The following EIF4E3 variants were observed in gnomAD, a reference collection of about 807,000 sequenced individuals.
The protein encoded by EIF4E3 is eukaryotic translation initiation factor 4E family member 3.
EIF4E3 carries 26 observed loss-of-function variants against 31.7 expected under a neutral mutation model. The observed-to-expected ratio is 0.82, with a 90% CI of 0.60 to 1.14. EIF4E3 has a LOEUF of 1.14. EIF4E3 is among the 50% of genes most tolerant of loss of function. The pLI, the probability that EIF4E3 is intolerant of heterozygous loss-of-function variation, is 0.00. For missense variants in EIF4E3, 304 were observed against 270.9 expected (o/e 1.12, Z -0.86); for synonymous variants, 128 against 107.7 (o/e 1.19, Z -1.17).
chr3:71,687,066 T>A lies in EIF4E3; in HGVS notation c.629-2338A>T, dbSNP rs112212629. On this transcript the variant is annotated intron_variant, in intron 6 of 6. Coordinates refer to ENST00000425534, the MANE Select transcript of EIF4E3 (RefSeq NM_001134651.2). ...CCCAGGCTAGAGTGCAATGGTGTGA[T>A]CCTGGCTCACTGCAACCTTCACCTC... Among the ~76,000 whole-genome samples, 13 of 152,334 alleles carry A rather than the reference T, an allele frequency of 8.5e-5. 1 individual carries two copies. The highest frequency in any genetic ancestry group is 3.1e-4 in the African/African-American group (13 of 41,572).
chr3:71,743,903 C>T (rs1030401687), intron 1 of EIF4E3, among the ~76,000 whole-genome samples: 4 of 152,118 alleles, frequency 2.6e-5, no homozygotes, highest in Non-Finnish European at 5.9e-5. Flanking sequence ...AAATGAATTT[C>T]AATCCATTGA....
In EIF4E3 at chr3:71,684,472, T is replaced by TA. The variant is rs2048963420; in HGVS notation, c.*209dup. ...AAAAGTTTTTTGTGTGTGTTTTTTT[T>TA]AAAAAGCAAGTAATGTGACGGTAGA... is the stretch of plus-strand genomic sequence containing the variant. On this transcript the variant is annotated 3_prime_UTR_variant, in exon 7 of 7. Coordinates refer to ENST00000425534, the MANE Select transcript of EIF4E3 (RefSeq NM_001134651.2). 9.7e-6 allele frequency: 4 copies of TA among 413,646 alleles called. No homozygotes were observed. The East Asian group carries it at 1.5e-4, about 15-fold the overall frequency. The allele number at this position is 413,646 out of a possible 1,614,324, so 25.6% of individuals were successfully genotyped here.
chr3:71,663,173 G>A, the EIF4E3 span, among the ~76,000 whole-genome samples: 1 of 152,124 alleles, frequency 6.6e-6, no homozygotes, highest in Non-Finnish European at 1.5e-5. Flanking sequence ...GGTGCGGGAG[G>A]GGATTGGGAC....
intron 1 of EIF4E3, among the ~76,000 whole-genome samples, chr3:71,740,836 A>G (rs2049812226): frequency 6.6e-6 from 1 of 152,238 alleles, no homozygotes; most frequent in African/African-American, 2.4e-5. Flanking sequence ...GTAAGAATTC[A>G]TTAAAAACCA....
intron 1 of EIF4E3, among the ~76,000 whole-genome samples, chr3:71,712,644 G>C (rs201600383): frequency 3.2e-4 from 40 of 124,070 alleles, no homozygotes; most frequent in Admixed American, 9.0e-4. Flanking sequence ...GTGGGCGGGG[G>C]AGATTCTAGG....
intron 6 of EIF4E3, among the ~76,000 whole-genome samples, chr3:71,688,164 A>G (rs2049018095): frequency 6.6e-6 from 1 of 151,960 alleles, no homozygotes; most frequent in Non-Finnish European, 1.5e-5. Context: ...TATCTATTTG[A>G]TTTAACTGGC....
chr3:71,660,583 G>T, the EIF4E3 span, among the ~76,000 whole-genome samples: 1 of 152,136 alleles, frequency 6.6e-6, no homozygotes, highest in African/African-American at 2.4e-5. Flanking sequence ...CACCTAAATA[G>T]CTCTGTGGCA....
intron 1 of EIF4E3, among the ~76,000 whole-genome samples, chr3:71,750,221 C>T (rs1233486428): frequency 6.6e-6 from 1 of 152,202 alleles, no homozygotes; most frequent in East Asian, 1.9e-4. Flanking sequence ...TATACCTAAA[C>T]TCAACTTCAG....
intron 3 of EIF4E3, 35 bp from the exon 4 acceptor site, chr3:71,696,555 G>T (rs757571848): frequency 1.4e-5 from 23 of 1,610,930 alleles, no homozygotes; most frequent in Non-Finnish European, 2.0e-5. Context: ...GTTACACTCA[G>T]GACTAAGTGA....
intron 1 of EIF4E3, among the ~76,000 whole-genome samples, chr3:71,735,588 C>A (rs59669399): frequency 6.6e-6 from 1 of 152,006 alleles, no homozygotes; most frequent in Admixed American, 6.5e-5. Flanking sequence ...AACAAAGAAA[C>A]GCAATACTGT....
intron 1 of EIF4E3, among the ~76,000 whole-genome samples, chr3:71,744,095 A>C (rs925774280): frequency 6.6e-6 from 1 of 152,148 alleles, no homozygotes; most frequent in South Asian, 2.1e-4. Context: ...CAAATTGATA[A>C]ACTGAACTTC....
intron 2 of EIF4E3, among the ~76,000 whole-genome samples, chr3:71,703,027 TTC>T (rs1393638045): frequency 3.3e-5 from 5 of 152,236 alleles, no homozygotes; most frequent in South Asian, 2.1e-4. Context: ...TTATAATTAA[TTC>T]TGTTAGACTT....
At chr3:71,692,105 T>C (rs886449026) in intron 5 of EIF4E3, among the ~76,000 whole-genome samples, 1 of 152,096 alleles carries the variant, frequency 6.6e-6, no homozygotes, top group Admixed American at 6.6e-5. Context: ...AATGGCTCGG[T>C]AAAAAAAGGC....
Position 71,712,797 on chromosome 3 carries a change from T to C in EIF4E3, c.177-2313A>G, listed in dbSNP as rs1298565576. On this transcript the variant is annotated intron_variant, in intron 1 of 6. Transcript: ENST00000425534. Reference sequence around the variant, plus strand: ...TAATGCAAATGTTTGCTTCATACAGTATTATGTCAATTTTAAGCAAACACA... The same window carrying C: ...TAATGCAAATGTTTGCTTCATACAGCATTATGTCAATTTTAAGCAAACACA... Among the ~76,000 whole-genome samples the C allele has an allele frequency of 2.0e-5, 3 of 149,582 alleles. No homozygotes were observed. The East Asian group carries it at 5.9e-4, about 29-fold the overall frequency.
At position 71,684,695 on chromosome 3, in the gene EIF4E3, C is replaced by T. The variant is rs760948130; in HGVS notation, c.662G>A (p.Arg221His). 13 of 1,613,396 alleles carry T rather than the reference C, an allele frequency of 8.1e-6. No homozygotes were observed. The highest frequency in any genetic ancestry group is 4.4e-5 in the South Asian group (4 of 91,062). Residue 221 changes from arginine to histidine, a missense_variant, in exon 7 of 7, where the codon CGT (arginine) becomes CAT (histidine). Coordinates refer to ENST00000425534, the MANE Select transcript of EIF4E3 (RefSeq NM_001134651.2). Reference sequence around the variant, plus strand: ...TACAGAGTGCAATTAGTGTTTTCCACGTCCACCTTCAAAAGCATGATGCTC... The same window carrying T: ...TACAGAGTGCAATTAGTGTTTTCCATGTCCACCTTCAAAAGCATGATGCTC... Reference protein sequence around the residue: ...HEEHHAFEGGRGKH With the variant: ...HEEHHAFEGGHGKH
intron 6 of EIF4E3, among the ~76,000 whole-genome samples, chr3:71,684,944 A>T (rs1363277245): frequency 1.3e-5 from 2 of 152,206 alleles, no homozygotes; most frequent in East Asian, 3.9e-4. Flanking sequence ...AGGAATAAAC[A>T]AGCAATGGGC....
At chr3:71,665,733 T>C in the EIF4E3 span, among the ~76,000 whole-genome samples, 13,028 of 152,106 alleles carry the variant, frequency 0.086, 1,397 homozygotes, top group African/African-American at 0.25. Flanking sequence ...TGTAAAGGAA[T>C]GGAAATCATA....
intron 1 of EIF4E3, among the ~76,000 whole-genome samples, chr3:71,746,135 A>G (rs1006789590): frequency 6.6e-6 from 1 of 152,218 alleles, no homozygotes; most frequent in Non-Finnish European, 1.5e-5. Flanking sequence ...ATATTTGTCA[A>G]GAATTCAGGC....
At chr3:71,688,492 G>A (rs910385446) in intron 6 of EIF4E3, among the ~76,000 whole-genome samples, 5 of 152,158 alleles carry the variant, frequency 3.3e-5, no homozygotes, top group African/African-American at 1.2e-4. Context: ...GTTGTGACTT[G>A]CTCAAGGTCA....
Sources: allele counts gnomAD v4.1 joint callset (sites outside exome capture counted in the v4.1 genomes callset), GRCh38; gene constraint gnomAD v4.1.1; transcripts MANE v1.5; gene names NCBI Gene and HGNC (gene_info 2026-07-23, HGNC 2026-07-21).